ESR1: variants seen among roughly 807,000 people sequenced by gnomAD.
The protein encoded by ESR1 is estrogen receptor 1, also known as estrogen receptor.
Under a neutral mutation model 52.7 loss-of-function variants are expected in ESR1, and 12 were observed. The ratio of observed to expected loss-of-function variants is 0.23; its 90% confidence interval spans 0.15 to 0.37. ESR1 has a LOEUF of 0.37. Ranked by LOEUF, ESR1 falls within the 10% of genes least tolerant of loss-of-function variation. ESR1 has a pLI of 1.00. For synonymous variants in ESR1, 305 were observed against 316.8 expected, an observed-to-expected ratio of 0.96 and a Z score of 0.39; for missense variants, 584 against 779.7, an observed-to-expected ratio of 0.75 and a Z score of 2.99.
intron 2 of ESR1, among the ~76,000 whole-genome samples, chr6:151,737,868 A>G (rs902235943): frequency 1.3e-5 from 2 of 152,294 alleles, no homozygotes; most frequent in East Asian, 1.9e-4. Context: ...CCTACCTACT[A>G]TTGCATTATA....
intron 2 of ESR1, among the ~76,000 whole-genome samples, chr6:151,872,861 C>T (rs1709183): frequency 0.67 from 101,881 of 151,980 alleles, 34,731 homozygotes; most frequent in Middle Eastern, 0.81. Flanking sequence ...TTCCCTTGTA[C>T]CGTTGTGGCT....
Position 152,100,050 on chromosome 6 carries a change from G to T in ESR1, c.*1084G>T, listed in dbSNP as rs1285297257. On this transcript the variant is annotated 3_prime_UTR_variant, in exon 8 of 8. Coordinates refer to ENST00000206249, the MANE Select transcript of ESR1 (RefSeq NM_000125.4). ...CAAGAGGGAAAGTAGGGCAGAAACT[G>T]GATACAGTTCTGAGGCACAGCCAGA... 7.5e-6 allele frequency: 3 copies of T among 398,784 alleles called. No individual in the cohort carries two copies. The highest frequency in any genetic ancestry group is 6.2e-5 in the African/African-American group (3 of 48,650). The allele number at this position is 398,784 out of a possible 1,614,324, so 24.7% of individuals were successfully genotyped here.
At chr6:151,758,475 G>A (rs922541420) in intron 2 of ESR1, among the ~76,000 whole-genome samples, 1 of 152,066 alleles carries the variant, frequency 6.6e-6, no homozygotes, top group Admixed American at 6.6e-5. Context: ...TTATAGAAGA[G>A]GAAGGCCAGG....
chr6:151,912,829 A>G (rs1798474776), intron 3 of ESR1, among the ~76,000 whole-genome samples: 1 of 152,178 alleles, frequency 6.6e-6, no homozygotes, highest in Non-Finnish European at 1.5e-5. Flanking sequence ...ACAGAAAACC[A>G]AACACCTCAT....
At chr6:151,867,181 A>G (rs1583807521) in intron 2 of ESR1, among the ~76,000 whole-genome samples, 1 of 152,308 alleles carries the variant, frequency 6.6e-6, no homozygotes, top group Middle Eastern at 3.4e-3. Context: ...AACCTAGGCA[A>G]TACAATTCAG....
upstream of ESR1, among the ~76,000 whole-genome samples, chr6:151,803,730 T>C (rs558382592): frequency 3.3e-5 from 5 of 151,810 alleles, no homozygotes; most frequent in South Asian, 1.0e-3. Flanking sequence ...CGAAATGCAA[T>C]GGAAAAAGAG....
Position 152,098,891 on chromosome 6 carries a change from G to C in ESR1, c.1713G>C (p.Ala571=), listed in dbSNP as rs9341069. The change falls in exon 8 of 8, where the codon GCG becomes GCC. Residue 571 remains alanine, a synonymous_variant. Coordinates refer to ENST00000206249, the MANE Select transcript of ESR1 (RefSeq NM_000125.4). The surrounding 1 kb of genome is among the most constrained non-coding windows in gnomAD (Gnocchi z 5.1). ...EETDQSHLAT[A]GSTSSHSLQK... ...CGGACCAAAGCCACTTGGCCACTGCGGGCTCTACTTCATCGCATTCCTTGC... is the reference window on the plus strand; with the variant it reads ...CGGACCAAAGCCACTTGGCCACTGCCGGCTCTACTTCATCGCATTCCTTGC... 6.2e-7 allele frequency: 1 copy of C among 1,614,068 alleles called. No homozygotes were observed. Among genetic ancestry groups the C allele is most frequent in the Non-Finnish European group, 8.5e-7 (1 of 1,180,036 alleles).
intron 1 of ESR1, among the ~76,000 whole-genome samples, chr6:151,694,661 C>T (rs1218235938): frequency 6.6e-6 from 1 of 152,056 alleles, no homozygotes; most frequent in Non-Finnish European, 1.5e-5. Flanking sequence ...GTGGCATGGG[C>T]CTGTAATCTC....
In ESR1 at chr6:151,807,751, C is replaced by G; in HGVS notation, c.-162C>G. On this transcript the variant is annotated 5_prime_UTR_variant, in exon 1 of 8. Coordinates refer to ENST00000206249, the MANE Select transcript of ESR1 (RefSeq NM_000125.4). ...GGGTCGCCCGGCTTCACCGGACCCG[C>G]AGGCTCCCGGGGCAGGGCCGGGGCC... is the stretch of plus-strand genomic sequence containing the variant. The G allele has an allele frequency of 1.4e-6, 1 of 739,720 alleles. No individual in the cohort carries two copies. The highest frequency in any genetic ancestry group is 2.1e-5 in the Admixed American group (1 of 48,100). The allele number at this position is 739,720 out of a possible 1,614,324, so 45.8% of individuals were successfully genotyped here. A position where few individuals can be genotyped will look rare whatever the true frequency, so the allele number is the denominator to read the frequency against.
chr6:151,864,621 A>G (rs1036882604), intron 2 of ESR1, among the ~76,000 whole-genome samples: 5 of 152,168 alleles, frequency 3.3e-5, no homozygotes, highest in Non-Finnish European at 7.3e-5. Flanking sequence ...TCATGCTGCT[A>G]TAAAGACACA....
intron 2 of ESR1, among the ~76,000 whole-genome samples, chr6:151,752,803 G>T (rs1435645955): frequency 6.6e-6 from 1 of 152,086 alleles, no homozygotes; most frequent in African/African-American, 2.4e-5. Flanking sequence ...TTCTTTCTCT[G>T]ATTTACTGCT....
intron 2 of ESR1, among the ~76,000 whole-genome samples, chr6:151,767,049 A>T (rs757147270): frequency 3.3e-5 from 5 of 152,198 alleles, no homozygotes; most frequent in Non-Finnish European, 5.9e-5. Context: ...AGGTTCATAG[A>T]ATCTTTTACA....
chr6:151,911,950 C>T (rs1444902526), intron 3 of ESR1, among the ~76,000 whole-genome samples: 1 of 152,174 alleles, frequency 6.6e-6, no homozygotes, highest in African/African-American at 2.4e-5. Flanking sequence ...CGGTAGGTAG[C>T]CACTAGCCAC....
At chr6:151,762,878 C>T (rs180708297) in intron 2 of ESR1, among the ~76,000 whole-genome samples, 43 of 152,064 alleles carry the variant, frequency 2.8e-4, no homozygotes, top group Non-Finnish European at 3.8e-4. Context: ...GCAGGAAAAT[C>T]GCAGTGAGCC....
chr6:151,665,773 T>C (rs1188971346), intron 1 of ESR1, among the ~76,000 whole-genome samples: 1 of 152,184 alleles, frequency 6.6e-6, no homozygotes, highest in Admixed American at 6.5e-5. Context: ...TATTAAGAAA[T>C]GGTTTTATTT....
intron 3 of ESR1, among the ~76,000 whole-genome samples, chr6:151,893,246 G>C (rs1257917961): frequency 6.6e-6 from 1 of 152,088 alleles, no homozygotes; most frequent in Non-Finnish European, 1.5e-5. Context: ...CTACTCAGGA[G>C]GCTGAGGCAG....
At chr6:152,113,273 C>T (rs541982082) in intron 6 of ESR1, 48 of 152,386 alleles carry the variant, frequency 3.1e-4, no homozygotes, top group African/African-American at 1.1e-3. Flanking sequence ...CCTATAAAAA[C>T]AGGCAGGGAC....
chr6:152,017,518 C>T (rs1333312027), intron 5 of ESR1, among the ~76,000 whole-genome samples: 2 of 152,064 alleles, frequency 1.3e-5, no homozygotes, highest in East Asian at 3.9e-4. Flanking sequence ...GTTAAAGATA[C>T]TAAGAATGCC....
At chr6:152,112,371 A>G (rs1352725175) in intron 6 of ESR1, among the ~76,000 whole-genome samples, 1 of 152,186 alleles carries the variant, frequency 6.6e-6, no homozygotes, top group East Asian at 1.9e-4. Context: ...ATCTCATTTC[A>G]AGTCAAGTGT....
Sources: gnomAD v4.1 joint callset for allele counts (sites outside exome capture counted in the v4.1 genomes callset) on GRCh38, gnomAD v4.1.1 for gene constraint, Gnocchi (gnomAD v3.1) non-coding constraint, MANE v1.5 for transcripts, NCBI Gene and HGNC (gene_info 2026-07-23, HGNC 2026-07-21) for gene names.